The following LRP4 variants were observed in gnomAD, a reference collection of about 807,000 sequenced individuals.
LRP4 encodes low-density lipoprotein receptor-related protein 4.
LRP4 carries 95 observed loss-of-function variants against 220.3 expected under a neutral mutation model. That is an observed-to-expected ratio of 0.43 (90% CI 0.37 to 0.51). The LOEUF (loss-of-function observed/expected upper bound fraction) is 0.51, where lower values mean the gene tolerates loss of function less well. LRP4 is among the 20% of genes least tolerant of loss of function. The probability of loss-of-function intolerance (pLI) is 0.00; values close to 1 mark genes in which losing one functional copy is unlikely to be tolerated. For synonymous variants in LRP4, 903 were observed against 954.6 expected, an observed-to-expected ratio of 0.95 and a Z score of 1.00; for missense variants, 1,925 against 2,567.0, an observed-to-expected ratio of 0.75 and a Z score of 5.40.
At chr11:46,912,098 C>A (rs1941869639) in intron 1 of LRP4, among the ~76,000 whole-genome samples, 1 of 152,208 alleles carries the variant, frequency 6.6e-6, no homozygotes, top group Non-Finnish European at 1.5e-5. Context: ...AAGTGATCCA[C>A]CCACCCCAGC....
chr11:46,917,176 G>A (rs1565810240), intron 1 of LRP4, among the ~76,000 whole-genome samples: 1 of 152,234 alleles, frequency 6.6e-6, no homozygotes, highest in Admixed American at 6.5e-5. Context: ...AATCTGCACT[G>A]ACTTTTTCCA....
At chr11:46,898,475 C>T (rs1028514090) in intron 7 of LRP4, 83 bp downstream of exon 7, 37 of 1,590,548 alleles carry the variant, frequency 2.3e-5, no homozygotes, top group Admixed American at 1.2e-4. Context: ...CATGAGCCAC[C>T]GCGCCCAGCC....
Position 46,918,226 on chromosome 11 carries a change from G to C in LRP4, c.52+102C>G. ...CCCCAGGGCCACGGCTAGGAGCGAG[G>C]GCGAGGGGTCTCAGGCCCCGGCCCG... is the stretch of plus-strand genomic sequence containing the variant. On this transcript the variant is annotated intron_variant, in intron 1 of 37. Transcript: ENST00000378623. The surrounding 1 kb of genome is among the most constrained non-coding windows in gnomAD (Gnocchi z 6.0). 7.9e-7 allele frequency: 1 copy of C among 1,273,190 alleles called. No individual in the cohort carries two copies. The highest frequency in any genetic ancestry group is 1.1e-6 in the Non-Finnish European group (1 of 927,702). The allele number at this position is 1,273,190 out of a possible 1,614,324, so 78.9% of individuals were successfully genotyped here.
intron 1 of LRP4, among the ~76,000 whole-genome samples, chr11:46,917,303 G>A (rs1316597832): frequency 6.6e-6 from 1 of 152,202 alleles, no homozygotes; most frequent in African/African-American, 2.4e-5. Context: ...GGGGAGACTC[G>A]GAACTCCCGC....
chr11:46,873,223 C>A lies in LRP4; in HGVS notation c.4460G>T (p.Trp1487Leu). 1 of 1,614,154 alleles carries A rather than the reference C, an allele frequency of 6.2e-7. No homozygotes were observed. Residue 1487 changes from tryptophan (W) to leucine (L), a missense_variant, in exon 30 of 38, where the codon TGG becomes TTG. By Grantham distance (61) the Trp-to-Leu change is moderately conservative. Transcript: ENST00000378623. The surrounding 1 kb of genome is among the most constrained non-coding windows in gnomAD (Gnocchi z 4.2). ...CTTGGCAATGTGGCCCCAGTCTGTC[C>A]AGAAGAGGTACCTGAGACACAACAG... ...AVFPRKGYLF[W>L]TDWGHIAKIE...
At chr11:46,905,315 C>G (rs1314357705) in intron 1 of LRP4, among the ~76,000 whole-genome samples, 1 of 152,196 alleles carries the variant, frequency 6.6e-6, no homozygotes, top group Non-Finnish European at 1.5e-5. Flanking sequence ...TTGGTGAACT[C>G]TAGCTGGATT....
At chr11:46,910,057 TA>T (rs1229176302) in intron 1 of LRP4, among the ~76,000 whole-genome samples, 1 of 152,222 alleles carries the variant, frequency 6.6e-6, no homozygotes, top group African/African-American at 2.4e-5. Context: ...TTGGAAAATC[TA>T]CCAGGTGAAG....
chr11:46,909,332 C>A (rs987056335), intron 1 of LRP4, among the ~76,000 whole-genome samples: 1 of 151,044 alleles, frequency 6.6e-6, no homozygotes, highest in African/African-American at 2.4e-5. Context: ...ATCGGCCGGG[C>A]GCGGTGGCTC....
chr11:46,861,305 A>T (rs748476513), intron 37 of LRP4, among the ~76,000 whole-genome samples: 3 of 152,068 alleles, frequency 2.0e-5, no homozygotes, highest in African/African-American at 4.8e-5. Flanking sequence ...AAAGCACATG[A>T]TTATTATGTG....
chr11:46,918,197 G>A lies in LRP4; in HGVS notation c.52+131C>T. On this transcript the variant is annotated intron_variant, in intron 1 of 37. Coordinates refer to ENST00000378623, the MANE Select transcript of LRP4 (RefSeq NM_002334.4). This position sits in a 1 kb window ranked among gnomAD's most constrained non-coding sequence, Gnocchi z 6.0. ...CCGCTCCGGGTCCTCTCCCCTGCACGCAGCCCCAGGGCCACGGCTAGGAGC... is the reference window on the plus strand; with the variant it reads ...CCGCTCCGGGTCCTCTCCCCTGCACACAGCCCCAGGGCCACGGCTAGGAGC... The A allele has an allele frequency of 4.0e-6, 4 of 1,007,184 alleles. No individual in the cohort carries two copies. Among genetic ancestry groups the A allele is most frequent in the Non-Finnish European group, 5.7e-6 (4 of 702,486 alleles). The allele number at this position is 1,007,184 out of a possible 1,614,324, so 62.4% of individuals were successfully genotyped here.
intron 9 of LRP4, 91 bp downstream of exon 9, chr11:46,896,119 G>A: frequency 1.9e-6 from 3 of 1,610,634 alleles, no homozygotes; most frequent in Middle Eastern, 1.7e-4. Flanking sequence ...TCCCAAAGCT[G>A]CAAGAGTCCT....
chr11:46,918,406 G>GTCCCGCCGGC lies in LRP4; in HGVS notation c.-37_-28dup. On this transcript the variant is annotated 5_prime_UTR_variant, in exon 1 of 38. Coordinates refer to ENST00000378623, the MANE Select transcript of LRP4 (RefSeq NM_002334.4). The surrounding 1 kb of genome is among the most constrained non-coding windows in gnomAD (Gnocchi z 6.0). ...GTGCCGCCCGCGCCGCTCGCCCGGGGTCCCGCCGGCTCCCGCCGGACGGCG... is the reference window on the plus strand; with the variant it reads ...GTGCCGCCCGCGCCGCTCGCCCGGGGTCCCGCCGGCTCCCGCCGGCTCCCGCCGGACGGCG... The GTCCCGCCGGC allele has an allele frequency of 2.9e-6, 4 of 1,382,168 alleles. No individual in the cohort carries two copies. 85.6% of individuals were successfully genotyped at this position (1,382,168 alleles called of 1,614,324 possible). A position where few individuals can be genotyped will look rare whatever the true frequency, so the allele number is the denominator to read the frequency against.
Position 46,868,728 on chromosome 11 carries a change from G to A in LRP4, c.4838-15C>T, listed in dbSNP as rs1401927528. 2 of 1,554,446 alleles carry A rather than the reference G, an allele frequency of 1.3e-6. No homozygotes were observed. Among genetic ancestry groups the A allele is most frequent in the African/African-American group, 2.7e-5 (2 of 73,950 alleles). On this transcript the variant is annotated splice_polypyrimidine_tract_variant and intron_variant, in intron 32 of 37. Coordinates refer to ENST00000378623, the MANE Select transcript of LRP4 (RefSeq NM_002334.4). ...GGCATTGGTCCCTGGAGGCAAAGTA[G>A]ATGAATGTCTTATCTGGGACAGAAT...
At chr11:46,882,628 G>A (rs1176604372) in intron 19 of LRP4, among the ~76,000 whole-genome samples, 3 of 152,074 alleles carry the variant, frequency 2.0e-5, no homozygotes, top group Non-Finnish European at 2.9e-5. Context: ...GAAGCAGGAC[G>A]ATTGCTTTAG....
At position 46,859,193 on chromosome 11, in the gene LRP4, G is replaced by A. The variant is rs767566588; in HGVS notation, c.5508C>T (p.Leu1836=). 9 of 1,614,040 alleles carry A rather than the reference G, an allele frequency of 5.6e-6. No individual in the cohort carries two copies. The East Asian group carries it at 1.1e-4, about 20-fold the overall frequency. Residue 1836 remains leucine (L), a synonymous_variant, in exon 38 of 38, where the codon CTC becomes CTT. Transcript: ENST00000378623. The part of the protein sequence containing the change: ...LKQLRSSRGG[L]LRDHVCMKTD... ...TCTTCATGCATACATGATCCCGGAG[G>A]AGGCCCCCCCGTGAGCTTCGCAGTT...
intron 34 of LRP4, 68 bp downstream of exon 34, chr11:46,867,911 A>C: frequency 6.2e-7 from 1 of 1,600,572 alleles, no homozygotes; most frequent in Non-Finnish European, 8.6e-7. Flanking sequence ...TCAAGCTGGG[A>C]CTATGAGTTG....
rs2134863709 is a variant in LRP4, at chr11:46,899,536, G to T, written c.431-33C>A. ...GATGCGATGGGACAGCAGTTCTGAG[G>T]GGGCCCCACAGGCAACCCTCTCACC... is the stretch of plus-strand genomic sequence containing the variant. On this transcript the variant is annotated intron_variant, in intron 4 of 37. Coordinates refer to ENST00000378623, the MANE Select transcript of LRP4 (RefSeq NM_002334.4). The surrounding 1 kb of genome is among the most constrained non-coding windows in gnomAD (Gnocchi z 5.9). The T allele has an allele frequency of 2.0e-6, 3 of 1,522,082 alleles. No individual in the cohort carries two copies. Among genetic ancestry groups the T allele is most frequent in the East Asian group, 4.5e-5 (2 of 44,450 alleles). The allele number at this position is 1,522,082 out of a possible 1,614,324, so 94.3% of individuals were successfully genotyped here. A position where few individuals can be genotyped will look rare whatever the true frequency, so the allele number is the denominator to read the frequency against.
chr11:46,877,204 TG>T lies in LRP4; in HGVS notation c.3271del (p.Gln1091ArgfsTer102), dbSNP rs1384753777. The T allele has an allele frequency of 6.2e-7, 1 of 1,613,838 alleles. No individual in the cohort carries two copies. The highest frequency in any genetic ancestry group is 2.2e-5 in the East Asian group (1 of 44,876). On this transcript the variant is annotated frameshift_variant, in exon 23 of 38. Coordinates refer to ENST00000378623, the MANE Select transcript of LRP4 (RefSeq NM_002334.4). LOFTEE classifies it high-confidence loss of function. ...KNTIAIGVDPQEGKVYWSDST... is the reference protein window; with the variant it reads ...KNTIAIGVDPXEGKVYWSDST... Reference sequence around the variant, plus strand: ...GAAGAGAGGGCCATACAGACCTTCCTGGGGGTCTACTCCAATGGCAATGGTG... The same window carrying T: ...GAAGAGAGGGCCATACAGACCTTCCTGGGGTCTACTCCAATGGCAATGGTG...
chr11:46,902,810 C>A lies in LRP4; in HGVS notation c.172G>T (p.Gly58Trp). The change falls in exon 2 of 38, where the codon GGG becomes TGG. Residue 58 changes from glycine (G) to tryptophan (W), a missense_variant. Gly to Trp is a radical substitution (Grantham distance 184). Transcript: ENST00000378623. ...CATCCATCCTCATCGCTGTGGTCCC[C>A]GCAGTCATTGTCTCCATCACACTGC... ...QWQCDGDNDC[G>W]DHSDEDGCIL... The A allele has an allele frequency of 6.2e-7, 1 of 1,614,122 alleles. No homozygotes were observed. The highest frequency in any genetic ancestry group is 8.5e-7 in the Non-Finnish European group (1 of 1,180,044).
Sources: allele counts gnomAD v4.1 joint callset (sites outside exome capture counted in the v4.1 genomes callset), GRCh38; gene constraint gnomAD v4.1.1; non-coding constraint Gnocchi (gnomAD v3.1); transcripts MANE v1.5; gene names NCBI Gene and HGNC (gene_info 2026-07-23, HGNC 2026-07-21).